The following CELF2 variants were observed in gnomAD, a reference collection of about 807,000 sequenced individuals.
CELF2 encodes CUG triplet repeat RNA-binding protein 2.
CELF2 carries 8 observed loss-of-function variants against 62.6 expected under a neutral mutation model. The observed-to-expected ratio is 0.13, with a 90% CI of 0.07 to 0.23. The LOEUF is 0.23. Among genes scored for constraint, CELF2 ranks in the 10% least tolerant of loss-of-function variants. The probability of loss-of-function intolerance (pLI) is 1.00; values close to 1 mark genes in which losing one functional copy is unlikely to be tolerated. For missense variants in CELF2, 333 were observed against 671.0 expected (o/e 0.50, Z 5.56); for synonymous variants, 258 against 250.0 (o/e 1.03, Z -0.30).
rs1465945400 is a variant in CELF2 at position 10,938,319 on chromosome 10, C to A, written c.89+18320C>A. 6.6e-6 allele frequency among the ~76,000 whole-genome samples: 1 copy of A among 152,204 alleles called. No individual in the cohort carries two copies. Among genetic ancestry groups the A allele is most frequent in the African/African-American group, 2.4e-5 (1 of 41,434 alleles). ...AGATTTAACAAAGGGCTGAACAGAG[C>A]AGCCAGTCCAAAGACCCAAATACCA... On this transcript the variant is annotated intron_variant, in intron 2 of 13. Transcript: ENST00000636488. The surrounding 1 kb of genome is among the most constrained non-coding windows in gnomAD (Gnocchi z 4.2).
rs922964893 is a variant in CELF2, at chr10:11,156,234, C to T, written c.75-9252C>T. Among the ~76,000 whole-genome samples the T allele has an allele frequency of 6.6e-6, 1 of 152,044 alleles. No individual in the cohort carries two copies. Among genetic ancestry groups the T allele is most frequent in the African/African-American group, 2.4e-5 (1 of 41,376 alleles). On this transcript the variant is annotated intron_variant, in intron 1 of 12. Coordinates refer to ENST00000633077, the MANE Select transcript of CELF2 (RefSeq NM_001326342.2). The surrounding 1 kb of genome is among the most constrained non-coding windows in gnomAD (Gnocchi z 4.3). ...AACTGACTAGTAATAGGTGTGTTGA[C>T]TCTCGGATTTAATAGGACGGCACTG...
the CELF2 span, among the ~76,000 whole-genome samples, chr10:10,626,170 C>T: frequency 6.6e-6 from 1 of 152,036 alleles, no homozygotes; most frequent in Non-Finnish European, 1.5e-5. Flanking sequence ...TGCCTACATC[C>T]AAGGGTGAAG....
At chr10:10,503,713 T>C in the CELF2 span, among the ~76,000 whole-genome samples, 1 of 152,022 alleles carries the variant, frequency 6.6e-6, no homozygotes, top group African/African-American at 2.4e-5. Flanking sequence ...TTACATTTAA[T>C]TTAATTTACT....
chr10:11,330,535 T>C lies in CELF2; in HGVS notation c.*1482T>C, dbSNP rs1219113391. Reference sequence around the variant, plus strand: ...AAAAAAAAGTTTCATCGTCCCGTCATTGTTTCTGATGTCTTTCTGACCTCA... The same window carrying C: ...AAAAAAAAGTTTCATCGTCCCGTCACTGTTTCTGATGTCTTTCTGACCTCA... On this transcript the variant is annotated 3_prime_UTR_variant, in exon 13 of 13. Transcript: ENST00000633077. The surrounding 1 kb of genome is among the most constrained non-coding windows in gnomAD (Gnocchi z 4.5). The C allele has an allele frequency of 6.6e-6, 1 of 152,620 alleles. No individual in the cohort carries two copies. Among genetic ancestry groups the C allele is most frequent in the Non-Finnish European group, 1.5e-5 (1 of 68,030 alleles). The allele number at this position is 152,620 out of a possible 1,614,324, so 9.5% of individuals were successfully genotyped here. A position where few individuals can be genotyped will look rare whatever the true frequency, so the allele number is the denominator to read the frequency against.
At chr10:10,733,086 A>G in the CELF2 span, among the ~76,000 whole-genome samples, 1 of 152,304 alleles carries the variant, frequency 6.6e-6, no homozygotes, top group Non-Finnish European at 1.5e-5. Flanking sequence ...TCAGGGCACA[A>G]TCTACTAACA....
At chr10:10,683,673 A>C in the CELF2 span, among the ~76,000 whole-genome samples, 7 of 152,218 alleles carry the variant, frequency 4.6e-5, no homozygotes, top group Admixed American at 4.6e-4. Context: ...AAAGTTACTC[A>C]ATCCTAAAAC....
intron 1 of CELF2, among the ~76,000 whole-genome samples, chr10:11,072,643 T>TAAAGC (rs1388697598): frequency 6.6e-6 from 1 of 152,194 alleles, no homozygotes; most frequent in East Asian, 1.9e-4. Flanking sequence ...TTCTGAATTT[T>TAAAGC]AAAGCAAAGG....
At chr10:10,905,868 G>C (rs184758436) in intron 1 of CELF2, among the ~76,000 whole-genome samples, 4 of 145,816 alleles carry the variant, frequency 2.7e-5, no homozygotes, top group Admixed American at 6.9e-5. Flanking sequence ...ACAGAGCAAG[G>C]CTCCATCTCA....
At chr10:10,730,918 G>C in the CELF2 span, among the ~76,000 whole-genome samples, 1 of 152,222 alleles carries the variant, frequency 6.6e-6, no homozygotes, top group Non-Finnish European at 1.5e-5. Flanking sequence ...CTGGGAGCTT[G>C]TGATAAAATG....
chr10:10,593,252 T>A, the CELF2 span, among the ~76,000 whole-genome samples: 2 of 152,228 alleles, frequency 1.3e-5, no homozygotes, highest in Admixed American at 1.3e-4. Flanking sequence ...TTACTTATGA[T>A]CCTATGAGTG....
intron 5 of CELF2, among the ~76,000 whole-genome samples, chr10:11,264,987 G>A (rs2081783366): frequency 6.6e-6 from 1 of 152,186 alleles, no homozygotes; most frequent in Non-Finnish European, 1.5e-5. Context: ...ATAGCATGAT[G>A]CAAACAAAAA....
chr10:10,480,444 C>A, the CELF2 span, among the ~76,000 whole-genome samples: 1 of 152,186 alleles, frequency 6.6e-6, no homozygotes, highest in Non-Finnish European at 1.5e-5. Context: ...GTGGCTCTCT[C>A]AATTTGAGGG....
chr10:10,841,790 G>T (rs575458198), intron 1 of CELF2, among the ~76,000 whole-genome samples: 1 of 152,138 alleles, frequency 6.6e-6, no homozygotes, highest in South Asian at 2.1e-4. Flanking sequence ...GAATCAGTTT[G>T]CTGATATCCA....
At chr10:10,637,927 G>T in the CELF2 span, among the ~76,000 whole-genome samples, 1 of 152,156 alleles carries the variant, frequency 6.6e-6, no homozygotes, top group Non-Finnish European at 1.5e-5. Flanking sequence ...AGTTAAAATT[G>T]TACCTCTTTG....
chr10:11,260,227 G>A lies in CELF2; in HGVS notation c.538+2355G>A, dbSNP rs78579720. Among the ~76,000 whole-genome samples the A allele has an allele frequency of 0.013, 1,996 of 152,316 alleles. 22 individuals carry two copies. Among genetic ancestry groups the A allele is most frequent in the Non-Finnish European group, 0.021 (1,456 of 68,036 alleles). On this transcript the variant is annotated intron_variant, in intron 5 of 12. Transcript: ENST00000633077. This position sits in a 1 kb window ranked among gnomAD's most constrained non-coding sequence, Gnocchi z 4.2. ...GCTGGTGTGCTAGCTTTTCGTCTGA[G>A]CATACCCTCTGCATGTGTTAGCGGA...
At chr10:10,954,446 C>T (rs2135814813) in intron 2 of CELF2, among the ~76,000 whole-genome samples, 1 of 152,084 alleles carries the variant, frequency 6.6e-6, no homozygotes, top group South Asian at 2.1e-4. Flanking sequence ...CAGGATTTCA[C>T]CATGTTGGTC....
chr10:10,988,496 G>C (rs1328959383), intron 2 of CELF2, among the ~76,000 whole-genome samples: 3 of 152,022 alleles, frequency 2.0e-5, no homozygotes, highest in Non-Finnish European at 4.4e-5. Flanking sequence ...TGATATAATG[G>C]ACTTTGAGGA....
chr10:10,657,702 G>C, the CELF2 span, among the ~76,000 whole-genome samples: 1 of 152,100 alleles, frequency 6.6e-6, no homozygotes, highest in Non-Finnish European at 1.5e-5. Flanking sequence ...TTAAGGAGGG[G>C]CCCAAGGATT....
chr10:10,840,949 T>G (rs10795826), intron 1 of CELF2, among the ~76,000 whole-genome samples: 10,664 of 152,248 alleles, frequency 0.07, 506 homozygotes, highest in East Asian at 0.21. Flanking sequence ...GAGTTTGGTT[T>G]TCTGTTCCTG....
Sources: allele counts gnomAD v4.1 joint callset (sites outside exome capture counted in the v4.1 genomes callset), GRCh38; gene constraint gnomAD v4.1.1; non-coding constraint Gnocchi (gnomAD v3.1); transcripts MANE v1.5; gene names NCBI Gene and HGNC (gene_info 2026-07-23, HGNC 2026-07-21).